The following IGFL2 variants were observed in gnomAD, a reference collection of about 807,000 sequenced individuals.
IGFL2 encodes insulin growth factor-like family member 2.
A neutral mutation model predicts 13.9 loss-of-function variants in IGFL2; 7 were observed. The observed-to-expected ratio is 0.51, with a 90% CI of 0.29 to 0.95. The LOEUF is 0.95. Ranked by LOEUF, IGFL2 falls within the 40% of genes least tolerant of loss-of-function variation. The pLI is 0.08. For synonymous variants in IGFL2, 55 were observed against 55.8 expected, an observed-to-expected ratio of 0.99 and a Z score of 0.07; for missense variants, 138 against 147.8, an observed-to-expected ratio of 0.93 and a Z score of 0.34.
At chr19:46,167,829 G>T in the IGFL2 span, among the ~76,000 whole-genome samples, 19 of 152,270 alleles carry the variant, frequency 1.2e-4, no homozygotes, top group African/African-American at 3.9e-4. Flanking sequence ...GGCCATGTCA[G>T]CACACAGTGA....
chr19:46,120,423 C>T, the IGFL2 span: 1 of 1,602,806 alleles, frequency 6.2e-7, no homozygotes, highest in East Asian at 2.3e-5. Flanking sequence ...TTATCCCCTA[C>T]AAAAGCAATT....
the IGFL2 span, among the ~76,000 whole-genome samples, chr19:46,107,750 TC>T: frequency 6.6e-6 from 1 of 152,208 alleles, no homozygotes; most frequent in Non-Finnish European, 1.5e-5. Flanking sequence ...TGGAACTTTT[TC>T]TAATATCGGG....
chr19:46,190,582 C>T, the IGFL2 span, among the ~76,000 whole-genome samples: 2 of 152,138 alleles, frequency 1.3e-5, no homozygotes, highest in African/African-American at 2.4e-5. Context: ...TCATATTTTG[C>T]AAGTGTGTGA....
At chr19:46,109,771 G>C in the IGFL2 span, among the ~76,000 whole-genome samples, 1 of 152,200 alleles carries the variant, frequency 6.6e-6, no homozygotes, top group Non-Finnish European at 1.5e-5. Context: ...TTATCACAAG[G>C]GTGGGGAGGG....
intron 1 of IGFL2, among the ~76,000 whole-genome samples, chr19:46,156,446 G>A (rs1302505233): frequency 6.6e-6 from 1 of 152,132 alleles, no homozygotes; most frequent in Non-Finnish European, 1.5e-5. Context: ...AAGTATTGAA[G>A]TTTAACAGAG....
the IGFL2 span, among the ~76,000 whole-genome samples, chr19:46,092,103 G>A: frequency 6.6e-6 from 1 of 152,214 alleles, no homozygotes; most frequent in East Asian, 1.9e-4. Flanking sequence ...TCACTGTCAA[G>A]GCTCTTTCTT....
the IGFL2 span, among the ~76,000 whole-genome samples, chr19:46,119,514 AGTCATTC>A: frequency 7.1e-6 from 1 of 141,116 alleles, no homozygotes; most frequent in African/African-American, 2.8e-5. Context: ...GCCTAAAAAC[AGTCATTC>A]TCATCCCACT....
the IGFL2 span, among the ~76,000 whole-genome samples, chr19:46,190,915 G>C: frequency 6.6e-6 from 1 of 152,066 alleles, no homozygotes; most frequent in South Asian, 2.1e-4. Context: ...CGGGAGTCCC[G>C]CTGAGTCATC....
chr19:46,199,575 A>G, the IGFL2 span, among the ~76,000 whole-genome samples: 2 of 152,306 alleles, frequency 1.3e-5, no homozygotes, highest in South Asian at 2.1e-4. Context: ...CTGCGCTGTC[A>G]TGATCTCCCT....
chr19:46,123,344 TTAAC>T, the IGFL2 span, among the ~76,000 whole-genome samples: 5 of 150,786 alleles, frequency 3.3e-5, no homozygotes, highest in Admixed American at 2.0e-4. Context: ...TAAACTGACA[TTAAC>T]TAATAAAAAT....
At chr19:46,122,784 T>C in the IGFL2 span, among the ~76,000 whole-genome samples, 3 of 150,886 alleles carry the variant, frequency 2.0e-5, no homozygotes, top group Non-Finnish European at 2.9e-5. Flanking sequence ...AATAAAGTCT[T>C]AGCAAACACA....
chr19:46,140,807 T>C (rs1016336035), upstream of IGFL2, among the ~76,000 whole-genome samples: 5 of 152,142 alleles, frequency 3.3e-5, no homozygotes, highest in African/African-American at 9.7e-5. Flanking sequence ...GGTGGAGCAG[T>C]CTGAGAGTTA....
At chr19:46,113,019 G>A in the IGFL2 span, 2 of 152,204 alleles carry the variant, frequency 1.3e-5, no homozygotes, top group Non-Finnish European at 2.9e-5. Flanking sequence ...TAAATTGAGA[G>A]AGAATTTCTA....
At position 46,160,455 on chromosome 19, in the gene IGFL2, A is replaced by G. The variant is rs752011881; in HGVS notation, c.60A>G (p.Pro20=). The change falls in exon 2 of 4, where the codon CCA becomes CCG. Residue 20 remains proline (P), a synonymous_variant. Transcript: ENST00000377693. ...YVSVCLLLLC[P]REVIAPAGSE... is the part of the protein sequence containing the mutation. ...CAGTCTGTCTCCTCCTCTTGTGTCC[A>G]AGGGAAGTCATCGGTGAGTACAAGG... 4.3e-6 allele frequency: 7 copies of G among 1,613,662 alleles called. No homozygotes were observed. Among genetic ancestry groups the G allele is most frequent in the Non-Finnish European group, 5.9e-6 (7 of 1,179,792 alleles).
chr19:46,160,876 T>C lies in IGFL2; in HGVS notation c.336T>C (p.Cys112=). 1 of 1,613,624 alleles carries C rather than the reference T, an allele frequency of 6.2e-7. No homozygotes were observed. The highest frequency in any genetic ancestry group is 8.5e-7 in the Non-Finnish European group (1 of 1,179,734). Residue 112 remains cysteine (C), a synonymous_variant, in exon 3 of 4, where the codon TGT becomes TGC. Coordinates refer to ENST00000377693, the MANE Select transcript of IGFL2 (RefSeq NM_001135113.2). ...ACTCATCTCCCATCTCCAGTAAATG[T>C]GAAAGGTAGGGACCCCGTCCCTGGC... is the stretch of plus-strand genomic sequence containing the variant. ...QCHSSPISSK[C]ESRRRFP
At chr19:46,158,983 G>T (rs944682439) in intron 1 of IGFL2, 1 of 152,172 alleles carries the variant, frequency 6.6e-6, no homozygotes, top group African/African-American at 2.4e-5. Context: ...TTGTGATTTT[G>T]TTTATCTGGG....
downstream of IGFL2, among the ~76,000 whole-genome samples, chr19:46,165,390 A>T (rs142163208): frequency 3.4e-3 from 511 of 152,326 alleles, 3 homozygotes; most frequent in Non-Finnish European, 4.3e-3. Flanking sequence ...AGGGGGTCCC[A>T]TTCTAGTCTG....
the IGFL2 span, chr19:46,209,652 A>C: frequency 1.3e-5 from 2 of 152,232 alleles, no homozygotes; most frequent in Admixed American, 1.3e-4. Context: ...AAAATTGTCA[A>C]GAATATGTCA....
the IGFL2 span, chr19:46,209,940 C>T: frequency 0.37 from 56,173 of 151,790 alleles, 11,786 homozygotes; most frequent in Middle Eastern, 0.51. Context: ...CTTGAAAACA[C>T]ACACATACAC....
Sources: allele counts gnomAD v4.1 joint callset (sites outside exome capture counted in the v4.1 genomes callset), GRCh38; gene constraint gnomAD v4.1.1; transcripts MANE v1.5; gene names NCBI Gene and HGNC (gene_info 2026-07-23, HGNC 2026-07-21).